TMPRSS11D: variants seen among roughly 807,000 people sequenced by gnomAD.
TMPRSS11D encodes transmembrane serine protease 11D.
Under a neutral mutation model 44.4 loss-of-function variants are expected in TMPRSS11D, and 32 were observed. The observed-to-expected ratio is 0.72, with a 90% CI of 0.54 to 0.97. TMPRSS11D has a LOEUF of 0.97. TMPRSS11D is among the 50% of genes least tolerant of loss of function. The pLI is 0.00. For missense variants in TMPRSS11D, 446 were observed against 502.6 expected (o/e 0.89, Z 1.08); for synonymous variants, 179 against 177.9 (o/e 1.01, Z -0.05).
At chr4:67,849,236 A>G (rs777088823) in intron 3 of TMPRSS11D, among the ~76,000 whole-genome samples, 4 of 152,202 alleles carry the variant, frequency 2.6e-5, no homozygotes, top group Non-Finnish European at 5.9e-5. Flanking sequence ...GTGGAAAGCT[A>G]GGATGGTGTG....
chr4:67,864,420 G>C (rs1280642610), intron 1 of TMPRSS11D, among the ~76,000 whole-genome samples: 1 of 151,906 alleles, frequency 6.6e-6, no homozygotes, highest in Non-Finnish European at 1.5e-5. Context: ...GGGAATGAAA[G>C]ATCGATACTC....
chr4:67,828,146 T>C lies in TMPRSS11D; in HGVS notation c.693-626A>G, dbSNP rs183086910. Among the ~76,000 whole-genome samples, 5 of 152,108 alleles carry C rather than the reference T, an allele frequency of 3.3e-5. No homozygotes were observed. The East Asian group carries it at 9.7e-4, about 29-fold the overall frequency. ...AAACTATGCATGGATTTCAAAGATT[T>C]TTGCATGCAGATAAACTCATACTAA... On this transcript the variant is annotated intron_variant, in intron 7 of 9. Transcript: ENST00000283916.
chr4:67,831,558 G>T (rs1330093206), intron 7 of TMPRSS11D, among the ~76,000 whole-genome samples: 1 of 152,090 alleles, frequency 6.6e-6, no homozygotes, highest in Non-Finnish European at 1.5e-5. Context: ...ATAGGGCTTA[G>T]AATCCAGGGA....
chr4:67,838,088 A>G (rs1718140856), intron 5 of TMPRSS11D, 84 bp downstream of exon 5: 4 of 1,184,048 alleles, frequency 3.4e-6, no homozygotes, highest in Non-Finnish European at 4.5e-6. Context: ...AAGAAAAGTC[A>G]GCCTCTCAAT....
intron 2 of TMPRSS11D, among the ~76,000 whole-genome samples, chr4:67,855,130 C>T (rs1435388892): frequency 6.6e-6 from 1 of 152,028 alleles, no homozygotes; most frequent in African/African-American, 2.4e-5. Flanking sequence ...TGGCAGGCGC[C>T]TGTAATCTCA....
chr4:67,825,289 T>TA (rs1015713002), intron 9 of TMPRSS11D, among the ~76,000 whole-genome samples: 31 of 152,048 alleles, frequency 2.0e-4, no homozygotes, highest in African/African-American at 7.5e-4. Flanking sequence ...AGGTTGAGGT[T>TA]AAAGTTATTA....
At position 67,835,082 on chromosome 4, in the gene TMPRSS11D, C is replaced by T. The variant is rs1451037844; in HGVS notation, c.514+1G>A. On this transcript the variant is annotated splice_donor_variant, in intron 6 of 9. Transcript: ENST00000283916. LOFTEE classifies it high-confidence loss of function. ...AGTTACAAAATAATATTAAAACTTACCATTAATAAGCCAATTTGCTGCAGC... is the reference window on the plus strand; with the variant it reads ...AGTTACAAAATAATATTAAAACTTATCATTAATAAGCCAATTTGCTGCAGC... 6.2e-6 allele frequency: 10 copies of T among 1,611,576 alleles called. No individual in the cohort carries two copies. The highest frequency in any genetic ancestry group is 6.8e-6 in the Non-Finnish European group (8 of 1,178,312).
intron 3 of TMPRSS11D, among the ~76,000 whole-genome samples, chr4:67,852,758 A>T (rs1718539022): frequency 6.6e-6 from 1 of 152,224 alleles, no homozygotes; most frequent in Non-Finnish European, 1.5e-5. Context: ...TAAGTTCATT[A>T]TGTCAGAAGT....
At chr4:67,875,637 T>C (rs961462888) in intron 1 of TMPRSS11D, among the ~76,000 whole-genome samples, 2 of 152,266 alleles carry the variant, frequency 1.3e-5, no homozygotes, top group Non-Finnish European at 2.9e-5. Flanking sequence ...ACTGGACTAA[T>C]TGGGTTCAAA....
At chr4:67,875,528 T>C (rs952368385) in intron 1 of TMPRSS11D, among the ~76,000 whole-genome samples, 3 of 152,222 alleles carry the variant, frequency 2.0e-5, no homozygotes, top group African/African-American at 7.2e-5. Flanking sequence ...AAGGTCTGTC[T>C]GCTCGTATAT....
At chr4:67,865,817 CA>C (rs1189346772) in intron 1 of TMPRSS11D, among the ~76,000 whole-genome samples, 1 of 151,474 alleles carries the variant, frequency 6.6e-6, no homozygotes, top group Non-Finnish European at 1.5e-5. Flanking sequence ...CCAAACAGAC[CA>C]ATAATGAGTA....
Position 67,831,869 on chromosome 4 carries a change from T to C in TMPRSS11D, c.692+1335A>G, listed in dbSNP as rs185454550. Among the ~76,000 whole-genome samples, 496 of 152,258 alleles carry C rather than the reference T, an allele frequency of 3.3e-3. 5 individuals carry two copies. The highest frequency in any genetic ancestry group is 0.011 in the African/African-American group (477 of 41,566). On this transcript the variant is annotated intron_variant, in intron 7 of 9. Transcript: ENST00000283916. Reference sequence around the variant, plus strand: ...GTCATAAAATTACCATAAGAAAAATTTGAAATAATTTGGGATTTCCTAAAA... The same window carrying C: ...GTCATAAAATTACCATAAGAAAAATCTGAAATAATTTGGGATTTCCTAAAA...
At chr4:67,856,478 A>T (rs181775888) in intron 2 of TMPRSS11D, among the ~76,000 whole-genome samples, 3 of 152,270 alleles carry the variant, frequency 2.0e-5, no homozygotes, top group Admixed American at 1.3e-4. Context: ...ACACAAATCA[A>T]CCCAAGATGT....
chr4:67,859,132 C>A (rs952403348), intron 2 of TMPRSS11D, among the ~76,000 whole-genome samples: 3 of 152,052 alleles, frequency 2.0e-5, no homozygotes, highest in East Asian at 1.9e-4. Flanking sequence ...TACTTAGGTA[C>A]ATCCAAATTT....
chr4:67,845,075 C>T (rs906087181), intron 3 of TMPRSS11D, among the ~76,000 whole-genome samples: 2 of 152,072 alleles, frequency 1.3e-5, no homozygotes, highest in Admixed American at 1.3e-4. Context: ...GCACTGGCAC[C>T]GGCTAGACTG....
Position 67,835,116 on chromosome 4 carries a change from T to A in TMPRSS11D, c.481A>T (p.Thr161Ser). 6.2e-7 allele frequency: 1 copy of A among 1,611,286 alleles called. No individual in the cohort carries two copies. Residue 161 changes from threonine to serine, a missense_variant, in exon 6 of 10, where the codon ACT becomes TCT. Thr to Ser is a moderately conservative substitution (Grantham distance 58). Transcript: ENST00000283916. ...AGCCAATTTGCTGCAGCCTGGTCAG[T>A]AAGTGCTAGTATTAAAAAATGAGAA... The part of the protein sequence containing the change: ...INPSTEITSL[T>S]DQAAANWLIN...
Position 67,865,788 on chromosome 4 carries a change from C to T in TMPRSS11D, c.9-6110G>A, listed in dbSNP as rs528838636. Among the ~76,000 whole-genome samples the T allele has an allele frequency of 7.3e-5, 11 of 151,700 alleles. No homozygotes were observed. In the East Asian group the frequency reaches 2.1e-3, roughly 29 times the overall value. On this transcript the variant is annotated intron_variant, in intron 1 of 9. Transcript: ENST00000283916. Reference sequence around the variant, plus strand: ...TACCAGGTTTAATTTACAGATTAAACCAGGCAAAAATAGAAATCCCAAACA... The same window carrying T: ...TACCAGGTTTAATTTACAGATTAAATCAGGCAAAAATAGAAATCCCAAACA...
intron 2 of TMPRSS11D, among the ~76,000 whole-genome samples, chr4:67,855,666 T>C (rs1023261314): frequency 6.6e-6 from 1 of 152,124 alleles, no homozygotes; most frequent in African/African-American, 2.4e-5. Flanking sequence ...ATCACTCCTA[T>C]TCAACATAGT....
chr4:67,866,254 C>A (rs1718923137), intron 1 of TMPRSS11D, among the ~76,000 whole-genome samples: 1 of 151,876 alleles, frequency 6.6e-6, no homozygotes, highest in Non-Finnish European at 1.5e-5. Flanking sequence ...ACCATATGAT[C>A]ATCTCAATAG....
Sources: allele counts gnomAD v4.1 joint callset (sites outside exome capture counted in the v4.1 genomes callset), GRCh38; gene constraint gnomAD v4.1.1; transcripts MANE v1.5; gene names NCBI Gene and HGNC (gene_info 2026-07-23, HGNC 2026-07-21).